Variants in MTA3 observed in about 807,000 individuals in gnomAD.
MTA3 encodes metastasis-associated protein MTA3.
A neutral mutation model predicts 83.5 loss-of-function variants in MTA3; 34 were observed. The observed-to-expected ratio is 0.41, with a 90% confidence interval of 0.31 to 0.54. The LOEUF (loss-of-function observed/expected upper bound fraction) is 0.54, where lower values mean the gene tolerates loss of function less well. Among genes scored for constraint, MTA3 ranks in the 20% least tolerant of loss-of-function variants. The probability of loss-of-function intolerance (pLI) is 0.33; values close to 1 mark genes in which losing one functional copy is unlikely to be tolerated. For synonymous variants in MTA3, 303 were observed against 252.7 expected, an observed-to-expected ratio of 1.20 and a Z score of -1.89; for missense variants, 761 against 726.4, an observed-to-expected ratio of 1.05 and a Z score of -0.55.
intron 14 of MTA3, among the ~76,000 whole-genome samples, chr2:42,718,682 G>A (rs1399489092): frequency 1.3e-5 from 2 of 151,472 alleles, no homozygotes; most frequent in African/African-American, 2.4e-5. Flanking sequence ...AGAATTGCTT[G>A]AACCCAGGAG....
At chr2:42,609,621 C>G in intron 4 of MTA3, 37 bp downstream of exon 4, 1 of 1,558,782 alleles carries the variant, frequency 6.4e-7, no homozygotes, top group Non-Finnish European at 8.7e-7. Context: ...CTCAGTACTA[C>G]GGTGACCAAA....
chr2:42,671,766 G>C (rs1221486792), intron 8 of MTA3, among the ~76,000 whole-genome samples: 1 of 152,132 alleles, frequency 6.6e-6, no homozygotes, highest in African/African-American at 2.4e-5. Flanking sequence ...GAGAACATGT[G>C]TGCTACCAAT....
Position 42,656,280 on chromosome 2 carries a change from G to C in MTA3, c.580G>C (p.Asp194His), listed in dbSNP as rs913816346. ...PNSPLTDRQIDQFLVVARAVG... is the reference protein window; with the variant it reads ...PNSPLTDRQIHQFLVVARAVG... ...TAGCCCACTTACGGATCGACAGATT[G>C]ACCAGTTTTTAGTTGTAGCACGGTG... The change falls in exon 7 of 17, where the codon GAC (aspartate) becomes CAC (histidine). Residue 194 changes from aspartate (D) to histidine (H), a missense_variant. Asp to His is a moderately conservative substitution (Grantham distance 81). Transcript: ENST00000405094. 1.2e-6 allele frequency: 2 copies of C among 1,613,396 alleles called. No homozygotes were observed. The highest frequency in any genetic ancestry group is 1.7e-6 in the Non-Finnish European group (2 of 1,179,582).
intron 2 of MTA3, among the ~76,000 whole-genome samples, chr2:42,526,464 A>G (rs1033090473): frequency 2.6e-5 from 4 of 152,120 alleles, no homozygotes; most frequent in Admixed American, 6.5e-5. Context: ...ATTCCTTGGA[A>G]TGTCTATTGG....
chr2:42,662,699 C>G (rs1689834123), intron 8 of MTA3, among the ~76,000 whole-genome samples: 1 of 151,496 alleles, frequency 6.6e-6, no homozygotes, highest in African/African-American at 2.4e-5. Context: ...CCTCCACCGC[C>G]CCTATGTTTT....
At position 42,657,574 on chromosome 2, in the gene MTA3, A is replaced by G. The variant is rs1689282117; in HGVS notation, c.602+1272A>G. Among the ~76,000 whole-genome samples the G allele has an allele frequency of 2.0e-5, 3 of 152,172 alleles. No homozygotes were observed. The South Asian group carries it at 6.2e-4, about 31-fold the overall frequency. On this transcript the variant is annotated intron_variant, in intron 7 of 16. Coordinates refer to ENST00000405094, the MANE Select transcript of MTA3 (RefSeq NM_001330442.2). Reference sequence around the variant, plus strand: ...CTGTATGTTTCCCCTCAAAGCCAGCATGAAGGACACCAAGGAGTTGGTTCC... The same window carrying G: ...CTGTATGTTTCCCCTCAAAGCCAGCGTGAAGGACACCAAGGAGTTGGTTCC...
chr2:42,708,133 T>C (rs1666258879), intron 13 of MTA3, 79 bp downstream of exon 13: 1 of 1,367,006 alleles, frequency 7.3e-7, no homozygotes, highest in South Asian at 1.8e-5. Context: ...AAGTACAGTA[T>C]AGGATAATTA....
chr2:42,681,169 A>G (rs1451759868), intron 8 of MTA3, among the ~76,000 whole-genome samples: 1 of 152,168 alleles, frequency 6.6e-6, no homozygotes, highest in South Asian at 2.1e-4. Flanking sequence ...GCTTCAAATC[A>G]CTTTCCCTTG....
At position 42,756,183 on chromosome 2, in the gene MTA3, C is replaced by G. The variant is rs535964760; in HGVS notation, c.*2784C>G. ...AGACTGGCTGGGCACCAGGGGAGGA[C>G]GCGTCACCAGAGCCTGGGGCCAAGG... On this transcript the variant is annotated 3_prime_UTR_variant, in exon 17 of 17. Coordinates refer to ENST00000405094, the MANE Select transcript of MTA3 (RefSeq NM_001330442.2). 2 of 283,784 alleles carry G rather than the reference C, an allele frequency of 7.0e-6. No individual in the cohort carries two copies. Among genetic ancestry groups the G allele is most frequent in the Admixed American group, 6.5e-5 (1 of 15,438 alleles). The allele number at this position is 283,784 out of a possible 1,614,324, so 17.6% of individuals were successfully genotyped here. A position where few individuals can be genotyped will look rare whatever the true frequency, so the allele number is the denominator to read the frequency against.
At chr2:42,494,248 G>A (rs1363409297), upstream of MTA3, among the ~76,000 whole-genome samples, 1 of 152,088 alleles carries the variant, frequency 6.6e-6, no homozygotes, top group East Asian at 1.9e-4. Context: ...CGCAGGGCGG[G>A]GGAGCGGGGA....
intron 4 of MTA3, among the ~76,000 whole-genome samples, chr2:42,622,761 G>C (rs1247037281): frequency 1.3e-5 from 2 of 151,748 alleles, no homozygotes; most frequent in Non-Finnish European, 2.9e-5. Context: ...CAAAGTGCTG[G>C]GATTATAGGT....
At chr2:42,501,134 A>G (rs1407963841) in intron 2 of MTA3, among the ~76,000 whole-genome samples, 1 of 152,152 alleles carries the variant, frequency 6.6e-6, no homozygotes, top group African/African-American at 2.4e-5. Context: ...ATAAAGAATA[A>G]TAAATTTGCT....
At chr2:42,691,124 G>A (rs559710548) in intron 9 of MTA3, among the ~76,000 whole-genome samples, 4 of 151,826 alleles carry the variant, frequency 2.6e-5, no homozygotes, top group Non-Finnish European at 4.4e-5. Flanking sequence ...CAATCCGCCC[G>A]CCTCGGCCTC....
chr2:42,687,178 A>C (rs1326715990), intron 9 of MTA3, among the ~76,000 whole-genome samples: 1 of 151,736 alleles, frequency 6.6e-6, no homozygotes, highest in Non-Finnish European at 1.5e-5. Flanking sequence ...CAGTTTCATC[A>C]CCTCTCCCGT....
intron 6 of MTA3, among the ~76,000 whole-genome samples, chr2:42,644,591 C>A (rs902403828): frequency 6.6e-6 from 1 of 152,064 alleles, no homozygotes; most frequent in African/African-American, 2.4e-5. Flanking sequence ...TCATATATAT[C>A]TAGTTTTTTA....
intron 12 of MTA3, among the ~76,000 whole-genome samples, chr2:42,705,125 G>C (rs1665960581): frequency 1.3e-5 from 2 of 152,158 alleles, no homozygotes; most frequent in South Asian, 4.1e-4. Context: ...TAGGAATGAG[G>C]GACGGCTGTG....
At chr2:42,686,711 C>T (rs1692399482) in intron 9 of MTA3, among the ~76,000 whole-genome samples, 1 of 152,028 alleles carries the variant, frequency 6.6e-6, no homozygotes, top group Admixed American at 6.5e-5. Context: ...CCTGTAATGC[C>T]AGTTACTCGA....
At chr2:42,598,878 A>G (rs564362559) in intron 3 of MTA3, among the ~76,000 whole-genome samples, 2 of 152,166 alleles carry the variant, frequency 1.3e-5, no homozygotes, top group South Asian at 2.1e-4. Context: ...AAGCCTTGAC[A>G]TACATGGGAA....
intron 4 of MTA3, among the ~76,000 whole-genome samples, chr2:42,612,827 C>G (rs992849844): frequency 3.7e-4 from 57 of 152,150 alleles, no homozygotes; most frequent in African/African-American, 1.4e-3. Flanking sequence ...CACTACTGTA[C>G]TCCAGCCTGG....
Sources: allele counts gnomAD v4.1 joint callset (sites outside exome capture counted in the v4.1 genomes callset), GRCh38; gene constraint gnomAD v4.1.1; transcripts MANE v1.5; gene names NCBI Gene and HGNC (gene_info 2026-07-23, HGNC 2026-07-21).